The following PRDM16 variants were observed in gnomAD, a reference collection of about 807,000 sequenced individuals.
PRDM16 encodes PR/SET domain 16.
Under a neutral mutation model 110.6 loss-of-function variants are expected in PRDM16, and 23 were observed. The observed-to-expected ratio is 0.21, with a 90% CI of 0.15 to 0.29. The LOEUF (loss-of-function observed/expected upper bound fraction) is 0.29, where lower values mean the gene tolerates loss of function less well. Ranked by LOEUF, PRDM16 falls within the 10% of genes least tolerant of loss-of-function variation. The pLI, the probability that PRDM16 is intolerant of heterozygous loss-of-function variation, is 1.00. For synonymous variants in PRDM16, 799 were observed against 781.8 expected, an observed-to-expected ratio of 1.02 and a Z score of -0.37; for missense variants, 1,615 against 1,794.3, an observed-to-expected ratio of 0.90 and a Z score of 1.81.
At chr1:3,194,805 C>T (rs1289444187) in intron 2 of PRDM16, among the ~76,000 whole-genome samples, 5 of 152,070 alleles carry the variant, frequency 3.3e-5, no homozygotes, top group Admixed American at 6.5e-5. Context: ...CGCCAAAACT[C>T]GTTCCTGGCC....
rs569406611 is a variant in PRDM16 at position 3,299,320 on chromosome 1, C to T, written c.438+55183C>T. Among the ~76,000 whole-genome samples, 6 of 100,582 alleles carry T rather than the reference C, an allele frequency of 6.0e-5. 1 individual carries two copies. In the South Asian group the frequency reaches 1.7e-3, roughly 28 times the overall value. 66.0% of individuals were successfully genotyped at this position (100,582 alleles called of 152,430 possible). On this transcript the variant is annotated intron_variant, in intron 3 of 16. Transcript: ENST00000270722. ...TGGCCATGATGTTTCAGATCCCAGT[C>T]GTGGTGACTCTGCCCTTGTTGAAGA...
In PRDM16 at chr1:3,358,646, C is replaced by T. The variant is rs752305802; in HGVS notation, c.439-26506C>T. ...AGCTCAGAAACATCTCCGATTGGAACACGACACAGACCATCCTTCCCAGAG... is the reference window on the plus strand; with the variant it reads ...AGCTCAGAAACATCTCCGATTGGAATACGACACAGACCATCCTTCCCAGAG... On this transcript the variant is annotated intron_variant, in intron 3 of 16. Transcript: ENST00000270722. This position sits in a 1 kb window ranked among gnomAD's most constrained non-coding sequence, Gnocchi z 4.0. 2.0e-5 allele frequency among the ~76,000 whole-genome samples: 3 copies of T among 152,168 alleles called. No individual in the cohort carries two copies. Among genetic ancestry groups the T allele is most frequent in the Non-Finnish European group, 4.4e-5 (3 of 68,032 alleles).
At chr1:3,203,841 C>T (rs540418801) in intron 2 of PRDM16, among the ~76,000 whole-genome samples, 8 of 151,866 alleles carry the variant, frequency 5.3e-5, no homozygotes, top group East Asian at 3.9e-4. Context: ...CAGGTGAATT[C>T]GGGGGGGGCA....
intron 3 of PRDM16, among the ~76,000 whole-genome samples, chr1:3,266,068 TAGTC>T (rs1557567773): frequency 6.6e-6 from 1 of 152,184 alleles, no homozygotes; most frequent in Non-Finnish European, 1.5e-5. Flanking sequence ...GCCGGTCGCT[TAGTC>T]AGCAAGAACC....
At chr1:3,105,848 G>A (rs762450505) in intron 1 of PRDM16, among the ~76,000 whole-genome samples, 34 of 152,232 alleles carry the variant, frequency 2.2e-4, no homozygotes, top group Non-Finnish European at 2.6e-4. Context: ...GGAAACAGGC[G>A]AGAGGCCAGG....
At position 3,217,807 on chromosome 1, in the gene PRDM16, G is replaced by A. The variant is rs1006388673; in HGVS notation, c.388-26280G>A. Among the ~76,000 whole-genome samples the A allele has an allele frequency of 3.9e-5, 6 of 152,244 alleles. No individual in the cohort carries two copies. In the East Asian group the frequency reaches 5.8e-4, roughly 15 times the overall value. On this transcript the variant is annotated intron_variant, in intron 2 of 16. Coordinates refer to ENST00000270722, the MANE Select transcript of PRDM16 (RefSeq NM_022114.4). ...AGTTTCATTTTGGGCTGGCTGGGAC[G>A]CGCGCTCTTCCCCCTAGAAGTATTC...
chr1:3,283,367 CCCCTCCCTCTGT>C (rs1640758934), intron 3 of PRDM16, among the ~76,000 whole-genome samples: 1 of 152,188 alleles, frequency 6.6e-6, no homozygotes, highest in African/African-American at 2.4e-5. Context: ...TTCTCCAATG[CCCCTCCCTCTGT>C]CCCTCTCTCC....
intron 3 of PRDM16, among the ~76,000 whole-genome samples, chr1:3,257,344 A>C (rs910210161): frequency 4.6e-5 from 7 of 152,100 alleles, no homozygotes; most frequent in African/African-American, 1.2e-4. Context: ...GCCGGTGAGT[A>C]TGAGGGAGGG....
chr1:3,381,956 C>G (rs1643109269), intron 3 of PRDM16, among the ~76,000 whole-genome samples: 1 of 152,222 alleles, frequency 6.6e-6, no homozygotes, highest in Non-Finnish European at 1.5e-5. Context: ...CCAACCCAGA[C>G]CCGGCCAGTG....
At chr1:3,216,547 C>T (rs1250961250) in intron 2 of PRDM16, among the ~76,000 whole-genome samples, 1 of 152,200 alleles carries the variant, frequency 6.6e-6, no homozygotes, top group African/African-American at 2.4e-5. Context: ...TGTCCCCCGC[C>T]GAACCAGGCC....
Position 3,353,783 on chromosome 1 carries a change from CTG to C in PRDM16, c.439-31365_439-31364del, listed in dbSNP as rs1332217781. On this transcript the variant is annotated intron_variant, in intron 3 of 16. Coordinates refer to ENST00000270722, the MANE Select transcript of PRDM16 (RefSeq NM_022114.4). This position sits in a 1 kb window ranked among gnomAD's most constrained non-coding sequence, Gnocchi z 5.4. ...GGGCCGGACCTCCTGACTCCTGCCT[CTG>C]TGTCTTGTCACCAGGCCTTACCCTG... is the stretch of plus-strand genomic sequence containing the variant. 2.0e-5 allele frequency among the ~76,000 whole-genome samples: 3 copies of C among 152,200 alleles called. No individual in the cohort carries two copies. The highest frequency in any genetic ancestry group is 4.4e-5 in the Non-Finnish European group (3 of 68,020).
intron 14 of PRDM16, among the ~76,000 whole-genome samples, chr1:3,429,867 A>T (rs959804661): frequency 3.3e-5 from 5 of 152,218 alleles, no homozygotes; most frequent in Non-Finnish European, 7.3e-5. Flanking sequence ...CGAGACACGG[A>T]GGTCGGTCGC....
chr1:3,229,602 G>T (rs1639361648), intron 2 of PRDM16, among the ~76,000 whole-genome samples: 2 of 152,190 alleles, frequency 1.3e-5, no homozygotes, highest in Non-Finnish European at 2.9e-5. Context: ...GGCAGAATCG[G>T]ATCGGATCCC....
In PRDM16 at chr1:3,141,098, G is replaced by A. The variant is rs571390433; in HGVS notation, c.38-45027G>A. Among the ~76,000 whole-genome samples, 5 of 152,190 alleles carry A rather than the reference G, an allele frequency of 3.3e-5. No homozygotes were observed. In the South Asian group the frequency reaches 8.3e-4, roughly 25 times the overall value. On this transcript the variant is annotated intron_variant, in intron 1 of 16. Transcript: ENST00000270722. ...TCCCAGAACTCTGGGGGAAAACACT[G>A]GACATTATTAAGATGATTTGTTAAA...
chr1:3,281,234 C>T (rs1362529627), intron 3 of PRDM16, among the ~76,000 whole-genome samples: 2 of 152,198 alleles, frequency 1.3e-5, no homozygotes, highest in African/African-American at 2.4e-5. Flanking sequence ...TACCTGAGAA[C>T]GCAGCTGTGG....
intron 3 of PRDM16, among the ~76,000 whole-genome samples, chr1:3,331,212 G>C (rs1642034465): frequency 6.6e-6 from 1 of 152,290 alleles, no homozygotes; most frequent in Middle Eastern, 3.4e-3. Context: ...TGGATTGCAG[G>C]GGGGAAGCTG....
At position 3,433,914 on chromosome 1, in the gene PRDM16, C is replaced by A; in HGVS notation, c.*103C>A. On this transcript the variant is annotated 3_prime_UTR_variant, in exon 17 of 17. Coordinates refer to ENST00000270722, the MANE Select transcript of PRDM16 (RefSeq NM_022114.4). Reference sequence around the variant, plus strand: ...AACCCTGTCCCTGCGTGTGGCCACTCCTCAGCATCCTCCCCACCCACCATG... The same window carrying A: ...AACCCTGTCCCTGCGTGTGGCCACTACTCAGCATCCTCCCCACCCACCATG... 1 of 1,111,760 alleles carries A rather than the reference C, an allele frequency of 9.0e-7. No homozygotes were observed. The highest frequency in any genetic ancestry group is 1.3e-6 in the Non-Finnish European group (1 of 784,240). 68.9% of individuals were successfully genotyped at this position (1,111,760 alleles called of 1,614,324 possible). A position where few individuals can be genotyped will look rare whatever the true frequency, so the allele number is the denominator to read the frequency against.
chr1:3,162,288 T>A (rs951321386), intron 1 of PRDM16, among the ~76,000 whole-genome samples: 8 of 152,046 alleles, frequency 5.3e-5, no homozygotes, highest in Non-Finnish European at 1.2e-4. Flanking sequence ...GTCCCGGGAC[T>A]TTCTCATCAC....
chr1:3,393,973 C>T (rs371222905), intron 4 of PRDM16, among the ~76,000 whole-genome samples: 1 of 152,130 alleles, frequency 6.6e-6, no homozygotes, highest in Non-Finnish European at 1.5e-5. Context: ...GGAGGGGGAG[C>T]CCGCGGCCCG....
Sources: gnomAD v4.1 joint callset for allele counts (sites outside exome capture counted in the v4.1 genomes callset) on GRCh38, gnomAD v4.1.1 for gene constraint, Gnocchi (gnomAD v3.1) non-coding constraint, MANE v1.5 for transcripts, NCBI Gene and HGNC (gene_info 2026-07-23, HGNC 2026-07-21) for gene names.